The following NSD1 variants were observed in gnomAD, a reference collection of about 807,000 sequenced individuals.
The protein encoded by NSD1 is nuclear receptor binding SET domain protein 1.
In NSD1, 26 loss-of-function variants were observed where a neutral mutation model predicts 242.7. That is an observed-to-expected ratio of 0.11 (90% CI 0.08 to 0.15). The LOEUF (loss-of-function observed/expected upper bound fraction) is 0.15, where lower values mean the gene tolerates loss of function less well. NSD1 is among the 10% of genes least tolerant of loss of function. NSD1 has a pLI of 1.00. For missense variants in NSD1, 2,495 were observed against 3,272.8 expected (o/e 0.76, Z 5.80); for synonymous variants, 1,106 against 1,178.1 (o/e 0.94, Z 1.25).
At chr5:177,197,130 C>T (rs911677667) in intron 3 of NSD1, among the ~76,000 whole-genome samples, 2 of 151,538 alleles carry the variant, frequency 1.3e-5, no homozygotes, top group Non-Finnish European at 2.9e-5. Context: ...ATTAGCTGGG[C>T]GTGGTGGTGG....
intron 8 of NSD1, among the ~76,000 whole-genome samples, chr5:177,243,004 G>A (rs1241994559): frequency 6.6e-6 from 1 of 152,144 alleles, no homozygotes; most frequent in Non-Finnish European, 1.5e-5. Context: ...TTAGACTCCT[G>A]ATGTTGAGTA....
At chr5:177,179,615 G>A (rs548383570) in intron 2 of NSD1, among the ~76,000 whole-genome samples, 27 of 152,338 alleles carry the variant, frequency 1.8e-4, no homozygotes, top group Admixed American at 1.7e-3. Context: ...TTGGAATGTG[G>A]AGCAGCCAGC....
Position 177,295,598 on chromosome 5 carries a change from C to G in NSD1, c.*139C>G. ...CCACTGTTATTCTTTCCTCATATCCCAACACTCAGAACTCTTGTGACATTA... is the reference window on the plus strand; with the variant it reads ...CCACTGTTATTCTTTCCTCATATCCGAACACTCAGAACTCTTGTGACATTA... On this transcript the variant is annotated 3_prime_UTR_variant, in exon 23 of 23. Coordinates refer to ENST00000439151, the MANE Select transcript of NSD1 (RefSeq NM_022455.5). This position sits in a 1 kb window ranked among gnomAD's most constrained non-coding sequence, Gnocchi z 4.3. 2 of 912,950 alleles carry G rather than the reference C, an allele frequency of 2.2e-6. No homozygotes were observed. Among genetic ancestry groups the G allele is most frequent in the Non-Finnish European group, 3.5e-6 (2 of 574,706 alleles). The allele number at this position is 912,950 out of a possible 1,614,324, so 56.6% of individuals were successfully genotyped here. A position where few individuals can be genotyped will look rare whatever the true frequency, so the allele number is the denominator to read the frequency against.
chr5:177,253,072 A>C (rs1040117829), intron 12 of NSD1, among the ~76,000 whole-genome samples: 2 of 152,190 alleles, frequency 1.3e-5, no homozygotes, highest in South Asian at 2.1e-4. Flanking sequence ...GGGCAGATGC[A>C]GCAAAGATAC....
At chr5:177,274,729 TG>T (rs1758222283) in intron 17 of NSD1, among the ~76,000 whole-genome samples, 1 of 136,468 alleles carries the variant, frequency 7.3e-6, no homozygotes, top group South Asian at 2.2e-4. Flanking sequence ...GTGTGTGTGT[TG>T]TTTTTTTGTT....
intron 11 of NSD1, among the ~76,000 whole-genome samples, chr5:177,250,741 G>T (rs1390020665): frequency 6.6e-6 from 1 of 152,036 alleles, no homozygotes; most frequent in East Asian, 1.9e-4. Flanking sequence ...TCAATTCCAG[G>T]CTACCTCTCT....
chr5:177,273,003 C>CTTCAACTTTGACT (rs1242377037), intron 16 of NSD1, among the ~76,000 whole-genome samples: 1 of 152,088 alleles, frequency 6.6e-6, no homozygotes, highest in Non-Finnish European at 1.5e-5. Context: ...GAGAACAAAG[C>CTTCAACTTTGACT]TTCAACTTTG....
chr5:177,193,768 G>T (rs547482003), intron 3 of NSD1, among the ~76,000 whole-genome samples: 13 of 152,028 alleles, frequency 8.6e-5, no homozygotes, highest in South Asian at 6.3e-4. Context: ...ATTAATTTTT[G>T]TTGTTGTTGT....
chr5:177,187,183 C>A (rs1761305328), intron 2 of NSD1, among the ~76,000 whole-genome samples: 1 of 144,874 alleles, frequency 6.9e-6, no homozygotes. Context: ...TGGCTCACTG[C>A]AACCTCCGCC....
At chr5:177,140,845 GCTT>G (rs965632707) in intron 2 of NSD1, among the ~76,000 whole-genome samples, 3 of 152,166 alleles carry the variant, frequency 2.0e-5, no homozygotes, top group African/African-American at 7.2e-5. Flanking sequence ...GATGTCTAAG[GCTT>G]ATAGTTTTGC....
chr5:177,152,476 CTTT>C (rs35553344), intron 2 of NSD1, among the ~76,000 whole-genome samples: 2 of 110,512 alleles, frequency 1.8e-5, no homozygotes, highest in Admixed American at 1.9e-4. Flanking sequence ...TCAAGCGATT[CTTT>C]TTTTTTTTTT....
At chr5:177,177,817 G>T (rs1292629277) in intron 2 of NSD1, among the ~76,000 whole-genome samples, 1 of 152,080 alleles carries the variant, frequency 6.6e-6, no homozygotes, top group Non-Finnish European at 1.5e-5. Flanking sequence ...CTTTATTTCT[G>T]TTAAGATTTT....
At position 177,186,951 on chromosome 5, in the gene NSD1, T is replaced by C. The variant is rs575359785; in HGVS notation, c.928-4933T>C. ...AACAAACCAACAATCAAAAAGAAAA[T>C]GGGAGGTTTTAAATCTAGTTAGCTT... On this transcript the variant is annotated intron_variant, in intron 2 of 22. Coordinates refer to ENST00000439151, the MANE Select transcript of NSD1 (RefSeq NM_022455.5). Among the ~76,000 whole-genome samples the C allele has an allele frequency of 1.2e-3, 184 of 151,692 alleles. 2 individuals carry two copies. Among genetic ancestry groups the C allele is most frequent in the Non-Finnish European group, 1.5e-3 (102 of 67,914 alleles).
intron 14 of NSD1, among the ~76,000 whole-genome samples, chr5:177,267,033 TTTTTAGTAGATAGGGGG>T (rs1294515136): frequency 1.3e-5 from 2 of 152,176 alleles, no homozygotes; most frequent in Admixed American, 1.3e-4. Context: ...CGTGGCTAAT[TTTTTAGTAGATAGGGGG>T]TTTCGCCCTG....
intron 13 of NSD1, among the ~76,000 whole-genome samples, chr5:177,259,444 A>G (rs1195301096): frequency 6.6e-6 from 1 of 152,222 alleles, no homozygotes; most frequent in African/African-American, 2.4e-5. Context: ...CCTTGGCAAC[A>G]CAGGGAAACC....
intron 18 of NSD1, 71 bp from the exon 19 acceptor site, chr5:177,282,394 T>TA (rs1241808392): frequency 1.7e-5 from 16 of 953,486 alleles, no homozygotes; most frequent in East Asian, 2.4e-5. Flanking sequence ...ATTAATTTTT[T>TA]AAAAAAATGT....
At chr5:177,201,392 C>T (rs113434099) in intron 3 of NSD1, among the ~76,000 whole-genome samples, 2 of 152,076 alleles carry the variant, frequency 1.3e-5, no homozygotes, top group African/African-American at 4.8e-5. Flanking sequence ...AAGATCTTAA[C>T]ATGCCATGCA....
At chr5:177,262,070 A>C (rs764011277) in intron 14 of NSD1, among the ~76,000 whole-genome samples, 5 of 152,208 alleles carry the variant, frequency 3.3e-5, no homozygotes, top group Non-Finnish European at 7.3e-5. Context: ...TCACACAGTC[A>C]TATTATAATA....
chr5:177,248,014 G>A (rs1766432571), intron 10 of NSD1, 167 bp from the exon 11 acceptor site: 1 of 985,330 alleles, frequency 1.0e-6, no homozygotes, highest in South Asian at 4.7e-5. Context: ...CCCACTACCC[G>A]CCCAATCACA....
Sources: allele counts gnomAD v4.1 joint callset (sites outside exome capture counted in the v4.1 genomes callset), GRCh38; gene constraint gnomAD v4.1.1; non-coding constraint Gnocchi (gnomAD v3.1); transcripts MANE v1.5; gene names NCBI Gene and HGNC (gene_info 2026-07-23, HGNC 2026-07-21).